The following PARD3B variants were observed in gnomAD, a reference collection of about 807,000 sequenced individuals.
The protein encoded by PARD3B is partitioning defective 3 homolog B.
PARD3B carries 103 observed loss-of-function variants against 130.2 expected under a neutral mutation model. The ratio of observed to expected loss-of-function variants is 0.79; its 90% CI spans 0.67 to 0.93. The LOEUF (loss-of-function observed/expected upper bound fraction) is 0.93. PARD3B is among the 40% of genes least tolerant of loss of function. The pLI is 0.00. For missense variants in PARD3B, 1,609 were observed against 1,499.2 expected, an observed-to-expected ratio of 1.07 and a Z score of -1.21; for synonymous variants, 583 against 553.2, an observed-to-expected ratio of 1.05 and a Z score of -0.76.
intron 2 of PARD3B, among the ~76,000 whole-genome samples, chr2:204,840,437 C>T (rs1344373710): frequency 6.6e-6 from 1 of 152,006 alleles, no homozygotes; most frequent in Non-Finnish European, 1.5e-5. Flanking sequence ...AAAAGGGACC[C>T]AGAATCTTTG....
intron 22 of PARD3B, among the ~76,000 whole-genome samples, chr2:205,556,634 C>A (rs2052898536): frequency 6.6e-6 from 1 of 152,166 alleles, no homozygotes; most frequent in South Asian, 2.1e-4. Flanking sequence ...GACTTTACTT[C>A]TTTTCTCCTG....
At chr2:204,670,374 G>C (rs1347882774) in intron 1 of PARD3B, among the ~76,000 whole-genome samples, 1 of 152,068 alleles carries the variant, frequency 6.6e-6, no homozygotes, top group Non-Finnish European at 1.5e-5. Flanking sequence ...GGGTCAAATA[G>C]TGCTAAAAGG....
At position 205,460,695 on chromosome 2, in the gene PARD3B, G is replaced by A. The variant is rs868313468; in HGVS notation, c.3044+20023G>A. On this transcript the variant is annotated intron_variant, in intron 20 of 22. Transcript: ENST00000406610. The surrounding 1 kb of genome is among the most constrained non-coding windows in gnomAD (Gnocchi z 4.9). ...GCCTCTCTTTGCCTCCAGAATGAAG[G>A]TGATACCGTATCTCATAAAATTCAC... Among the ~76,000 whole-genome samples the A allele has an allele frequency of 6.6e-6, 1 of 152,212 alleles. No homozygotes were observed. Among genetic ancestry groups the A allele is most frequent in the African/African-American group, 2.4e-5 (1 of 41,542 alleles).
chr2:205,070,676 G>T (rs1024870924), intron 4 of PARD3B, among the ~76,000 whole-genome samples: 1 of 151,714 alleles, frequency 6.6e-6, no homozygotes, highest in Non-Finnish European at 1.5e-5. Flanking sequence ...TTTGTTTTTC[G>T]CCATTAGTAA....
At chr2:205,010,853 C>T (rs369894964) in intron 3 of PARD3B, among the ~76,000 whole-genome samples, 30 of 151,986 alleles carry the variant, frequency 2.0e-4, no homozygotes, top group African/African-American at 7.3e-4. Context: ...GATATTTTAC[C>T]TTTGTCTTCA....
chr2:205,376,075 T>A (rs2045035787), intron 18 of PARD3B, among the ~76,000 whole-genome samples: 1 of 152,222 alleles, frequency 6.6e-6, no homozygotes, highest in Non-Finnish European at 1.5e-5. Flanking sequence ...GTTTACTGAC[T>A]GTTTTCTATG....
chr2:205,374,567 T>C (rs1461880151), intron 18 of PARD3B, among the ~76,000 whole-genome samples: 1 of 152,212 alleles, frequency 6.6e-6, no homozygotes, highest in Non-Finnish European at 1.5e-5. Flanking sequence ...TCTTTCAGTC[T>C]TTTATTCTAT....
At chr2:204,739,798 A>T (rs1424246769) in intron 2 of PARD3B, among the ~76,000 whole-genome samples, 2 of 152,086 alleles carry the variant, frequency 1.3e-5, no homozygotes, top group Non-Finnish European at 2.9e-5. Context: ...TAAGATAAAC[A>T]GTTATTTTTA....
chr2:205,549,938 T>C (rs1039941704), intron 21 of PARD3B, among the ~76,000 whole-genome samples: 1 of 152,134 alleles, frequency 6.6e-6, no homozygotes, highest in Non-Finnish European at 1.5e-5. Context: ...CTAAAACTGC[T>C]CTAAAAACTA....
At chr2:204,933,984 A>C (rs1688221250) in intron 2 of PARD3B, among the ~76,000 whole-genome samples, 1 of 152,030 alleles carries the variant, frequency 6.6e-6, no homozygotes, top group Non-Finnish European at 1.5e-5. Flanking sequence ...ACCTCAAAGC[A>C]CTCTTGTTAA....
chr2:205,284,284 G>T (rs1289595884), intron 16 of PARD3B, among the ~76,000 whole-genome samples: 1 of 152,144 alleles, frequency 6.6e-6, no homozygotes, highest in African/African-American at 2.4e-5. Context: ...CTGATGCTCT[G>T]TGACGGGTTG....
At chr2:204,615,192 T>C (rs549802698) in intron 1 of PARD3B, among the ~76,000 whole-genome samples, 1 of 152,286 alleles carries the variant, frequency 6.6e-6, no homozygotes, top group African/African-American at 2.4e-5. Context: ...GATGAATATT[T>C]TCATAGTCTT....
intron 3 of PARD3B, among the ~76,000 whole-genome samples, chr2:204,970,199 T>C (rs955502693): frequency 2.0e-4 from 31 of 152,300 alleles, no homozygotes; most frequent in African/African-American, 7.2e-4. Context: ...AAGAGGCTTT[T>C]TGTGGCCATA....
At chr2:204,975,922 A>G (rs1407228049) in intron 3 of PARD3B, among the ~76,000 whole-genome samples, 1 of 152,206 alleles carries the variant, frequency 6.6e-6, no homozygotes, top group Non-Finnish European at 1.5e-5. Context: ...ACAATTCATT[A>G]CCTTTAAAAA....
intron 2 of PARD3B, among the ~76,000 whole-genome samples, chr2:204,951,577 T>C (rs1036536911): frequency 6.6e-6 from 1 of 152,238 alleles, no homozygotes; most frequent in South Asian, 2.1e-4. Flanking sequence ...AACATTACTT[T>C]TTTAATAGAT....
intron 4 of PARD3B, among the ~76,000 whole-genome samples, chr2:205,066,323 T>G (rs1383066820): frequency 6.6e-6 from 1 of 152,180 alleles, no homozygotes; most frequent in African/African-American, 2.4e-5. Flanking sequence ...TTCCTTCTGG[T>G]AATACAGTTA....
chr2:205,045,752 A>ACT (rs1259726010), intron 3 of PARD3B, among the ~76,000 whole-genome samples: 1 of 151,170 alleles, frequency 6.6e-6, no homozygotes, highest in East Asian at 1.9e-4. Context: ...GCACACATAC[A>ACT]CTCTCTCTCT....
At position 205,615,620 on chromosome 2, in the gene PARD3B, A is replaced by G. The variant is rs1457856273; in HGVS notation, c.3425A>G (p.His1142Arg). 1 of 1,613,934 alleles carries G rather than the reference A, an allele frequency of 6.2e-7. No individual in the cohort carries two copies. ...LRVADLRYPQ[H>R]YPPPPAPQHK... Reference sequence around the variant, plus strand: ...GTGGCAGATCTCCGGTATCCTCAGCACTACCCACCCCCGCCAGCTCCCCAG... The same window carrying G: ...GTGGCAGATCTCCGGTATCCTCAGCGCTACCCACCCCCGCCAGCTCCCCAG... Residue 1142 changes from histidine to arginine, a missense_variant, in exon 23 of 23, where the codon CAC becomes CGC. Coordinates refer to ENST00000406610, the MANE Select transcript of PARD3B (RefSeq NM_001302769.2).
intron 1 of PARD3B, among the ~76,000 whole-genome samples, chr2:204,611,850 C>CTA (rs3051347): frequency 3.3e-5 from 5 of 151,664 alleles, no homozygotes; most frequent in Non-Finnish European, 7.4e-5. Context: ...ATATCTATAT[C>CTA]TATATATATG....
Sources: gnomAD v4.1 joint callset for allele counts (sites outside exome capture counted in the v4.1 genomes callset) on GRCh38, gnomAD v4.1.1 for gene constraint, Gnocchi (gnomAD v3.1) non-coding constraint, MANE v1.5 for transcripts, NCBI Gene and HGNC (gene_info 2026-07-23, HGNC 2026-07-21) for gene names.